RASA3: variants seen among roughly 807,000 people sequenced by gnomAD.
RASA3 encodes the protein RAS p21 protein activator 3.
In RASA3, 73 loss-of-function variants were observed where a neutral mutation model predicts 110.0. The observed-to-expected ratio is 0.66, with a 90% CI of 0.55 to 0.81. The LOEUF is 0.81. Among genes scored for constraint, RASA3 ranks in the 30% least tolerant of loss-of-function variants. The pLI is 0.00. For synonymous variants in RASA3, 500 were observed against 451.4 expected, an observed-to-expected ratio of 1.11 and a Z score of -1.37; for missense variants, 976 against 1,113.2, an observed-to-expected ratio of 0.88 and a Z score of 1.75.
chr13:114,115,731 C>T lies in RASA3; in HGVS notation c.55+16704G>A. 6.6e-6 allele frequency among the ~76,000 whole-genome samples: 1 copy of T among 152,182 alleles called. No individual in the cohort carries two copies. Among genetic ancestry groups the T allele is most frequent in the East Asian group, 1.9e-4 (1 of 5,192 alleles). On this transcript the variant is annotated intron_variant, in intron 1 of 23. Coordinates refer to ENST00000334062, the MANE Select transcript of RASA3 (RefSeq NM_007368.4). The surrounding 1 kb of genome is among the most constrained non-coding windows in gnomAD (Gnocchi z 5.0). ...GGTCAGAAACAGCCGCAGTCTCCTA[C>T]CTCTATTGCTTCTCAAGGGAAAAGC...
chr13:114,109,588 GGAGAA>G (rs2139759808), intron 1 of RASA3, among the ~76,000 whole-genome samples: 1 of 152,356 alleles, frequency 6.6e-6, no homozygotes, highest in South Asian at 2.1e-4. Context: ...GCCGCGGAGA[GGAGAA>G]AAGCACAGCT....
intron 21 of RASA3, among the ~76,000 whole-genome samples, chr13:113,993,806 T>TAAAAAAAAAAAAAAA (rs35450759): frequency 2.3e-5 from 2 of 85,586 alleles, no homozygotes; most frequent in African/African-American, 4.6e-5. Context: ...AGACTCTGCC[T>TAAAAAAAAAAAAAAA]AAAAAAAAAA....
chr13:114,023,293 G>A (rs575064078), intron 8 of RASA3, among the ~76,000 whole-genome samples: 5 of 151,770 alleles, frequency 3.3e-5, no homozygotes, highest in African/African-American at 1.2e-4. Flanking sequence ...AACATCCCAG[G>A]CTTGGGGGCA....
intron 14 of RASA3, 94 bp from the exon 15 acceptor site, chr13:114,013,342 T>G: frequency 1.2e-6 from 1 of 821,910 alleles, no homozygotes. Context: ...CGCAGGGAAG[T>G]CCAGCCACAG....
intron 15 of RASA3, among the ~76,000 whole-genome samples, chr13:114,012,722 TC>T (rs2053665698): frequency 9.7e-6 from 1 of 103,534 alleles, no homozygotes; most frequent in Non-Finnish European, 2.0e-5. Context: ...CACTCCCCAT[TC>T]CACACACACT....
intron 15 of RASA3, among the ~76,000 whole-genome samples, chr13:114,012,222 T>A (rs1381160795): frequency 8.6e-5 from 13 of 151,980 alleles, no homozygotes; most frequent in Admixed American, 7.9e-4. Context: ...TTTGTGACAC[T>A]GTCTCGACTC....
intron 1 of RASA3, among the ~76,000 whole-genome samples, chr13:114,107,378 G>A (rs1025685190): frequency 2.6e-5 from 4 of 152,096 alleles, no homozygotes; most frequent in East Asian, 1.9e-4. Context: ...TCCTGCCTTC[G>A]TGCACCCTGA....
intron 1 of RASA3, among the ~76,000 whole-genome samples, chr13:114,076,616 A>C (rs1247733775): frequency 6.6e-6 from 1 of 152,216 alleles, no homozygotes. Flanking sequence ...GTGTGTGATG[A>C]GTTCACAGGC....
rs2053634023 is a variant in RASA3 at position 114,011,337 on chromosome 13, C to T, written c.1513-89G>A. 3.5e-6 allele frequency: 4 copies of T among 1,139,756 alleles called. No individual in the cohort carries two copies. The highest frequency in any genetic ancestry group is 2.0e-5 in the Admixed American group (1 of 50,842). 70.6% of individuals were successfully genotyped at this position (1,139,756 alleles called of 1,614,324 possible). Reference sequence around the variant, plus strand: ...TCGAGGGGACGAAATGCAGGAGTCACCTCAGAGCTGCTGTGGCTTGTGCAT... The same window carrying T: ...TCGAGGGGACGAAATGCAGGAGTCATCTCAGAGCTGCTGTGGCTTGTGCAT... On this transcript the variant is annotated intron_variant, in intron 15 of 23. Coordinates refer to ENST00000334062, the MANE Select transcript of RASA3 (RefSeq NM_007368.4). The surrounding 1 kb of genome is among the most constrained non-coding windows in gnomAD (Gnocchi z 4.8).
chr13:114,127,175 C>T (rs145657439), intron 1 of RASA3, among the ~76,000 whole-genome samples: 32 of 152,374 alleles, frequency 2.1e-4, no homozygotes, highest in Admixed American at 3.9e-4. Context: ...GCGGTTCACA[C>T]GCTCCTTAGC....
At chr13:114,101,965 CG>C (rs2080065463) in intron 1 of RASA3, among the ~76,000 whole-genome samples, 1 of 152,256 alleles carries the variant, frequency 6.6e-6, no homozygotes, top group Non-Finnish European at 1.5e-5. Context: ...AAGTGGGGAG[CG>C]GGGGTCTCAG....
chr13:114,060,958 G>C (rs1231021930), intron 2 of RASA3, among the ~76,000 whole-genome samples: 1 of 149,590 alleles, frequency 6.7e-6, no homozygotes, highest in East Asian at 2.1e-4. Flanking sequence ...GCCCCCCACA[G>C]CCGGCAGATG....
Position 114,017,287 on chromosome 13 carries a change from G to A in RASA3, c.1156C>T (p.Leu386=). The change falls in exon 12 of 24, where the codon CTG becomes TTG. Residue 386 remains leucine, a synonymous_variant. Transcript: ENST00000334062. ...ASKCIDETMK[L]AGMHYLHVTL... ...ACATGCAGGTAATGCATCCCCGCCA[G>A]CTTCATGGTCTCGTCGATGCACTTG... The A allele has an allele frequency of 1.2e-6, 2 of 1,613,976 alleles. No homozygotes were observed. Among genetic ancestry groups the A allele is most frequent in the Non-Finnish European group, 1.7e-6 (2 of 1,180,044 alleles).
At position 114,115,852 on chromosome 13, in the gene RASA3, T is replaced by C. The variant is rs1486000808; in HGVS notation, c.55+16583A>G. Among the ~76,000 whole-genome samples, 1 of 152,216 alleles carries C rather than the reference T, an allele frequency of 6.6e-6. No homozygotes were observed. The highest frequency in any genetic ancestry group is 1.5e-5 in the Non-Finnish European group (1 of 68,026). ...GTTTGTGTGAAGCTGTATTTAAATG[T>C]GAGATTATTCTTCTTGGTTAATATT... On this transcript the variant is annotated intron_variant, in intron 1 of 23. Transcript: ENST00000334062. The surrounding 1 kb of genome is among the most constrained non-coding windows in gnomAD (Gnocchi z 5.0).
chr13:114,040,868 A>G (rs72659549), intron 4 of RASA3, 132 bp downstream of exon 4: 106,707 of 838,294 alleles, frequency 0.13, 7,986 homozygotes, highest in Middle Eastern at 0.22. Context: ...CGAACACGCA[A>G]TCTGCTCATC....
intron 17 of RASA3, among the ~76,000 whole-genome samples, chr13:114,007,933 T>C (rs111484375): frequency 3.5e-4 from 42 of 121,378 alleles, no homozygotes; most frequent in African/African-American, 9.4e-4. Context: ...CATCCCTGAC[T>C]GTGGGGAGGA....
chr13:114,024,365 G>A lies in RASA3; in HGVS notation c.604-10C>T. The A allele has an allele frequency of 6.2e-7, 1 of 1,613,268 alleles. No individual in the cohort carries two copies. The highest frequency in any genetic ancestry group is 1.1e-5 in the South Asian group (1 of 91,070). On this transcript the variant is annotated splice_polypyrimidine_tract_variant and intron_variant, in intron 7 of 23. Transcript: ENST00000334062. ...TACAGGGCCGGGTCACCTGGAGTCA[G>A]ACGAGAGAGAAAGCGCTGAGACCGC...
intron 20 of RASA3, 70 bp from the exon 21 acceptor site, chr13:113,996,809 A>G (rs2053267838): frequency 7.2e-7 from 1 of 1,396,464 alleles, no homozygotes; most frequent in Non-Finnish European, 1.0e-6. Flanking sequence ...AGAGTCCACC[A>G]GGCACCTGGC....
At chr13:114,070,630 G>A (rs1361547118) in intron 2 of RASA3, among the ~76,000 whole-genome samples, 1 of 151,550 alleles carries the variant, frequency 6.6e-6, no homozygotes, top group East Asian at 1.9e-4. Context: ...ACGTGGGCAG[G>A]GCTGCCGGCG....
Sources: gnomAD v4.1 joint callset for allele counts (sites outside exome capture counted in the v4.1 genomes callset) on GRCh38, gnomAD v4.1.1 for gene constraint, Gnocchi (gnomAD v3.1) non-coding constraint, MANE v1.5 for transcripts, NCBI Gene and HGNC (gene_info 2026-07-23, HGNC 2026-07-21) for gene names.